The following DOCK9 variants were observed in gnomAD, a reference collection of about 807,000 sequenced individuals.
DOCK9 encodes the protein dedicator of cytokinesis protein 9.
Under a neutral mutation model 263.3 loss-of-function variants are expected in DOCK9, and 89 were observed. That is an observed-to-expected ratio of 0.34 (90% CI 0.28 to 0.40). The LOEUF (loss-of-function observed/expected upper bound fraction) is 0.40. DOCK9 is among the 10% of genes least tolerant of loss of function. The pLI is 1.00. For synonymous variants in DOCK9, 976 were observed against 973.1 expected (o/e 1.00, Z -0.06); for missense variants, 2,140 against 2,603.4 (o/e 0.82, Z 3.87).
exon 1 of DOCK9, chr13:99,086,503 C>A (rs903276931): frequency 1.9e-5 from 7 of 362,662 alleles, no homozygotes; most frequent in South Asian, 1.0e-4. Flanking sequence ...GCGAGTCCGG[C>A]CGCCGCAGCC....
chr13:98,924,569 T>C (rs1397620309), intron 4 of DOCK9, among the ~76,000 whole-genome samples: 2 of 152,246 alleles, frequency 1.3e-5, no homozygotes, highest in South Asian at 2.1e-4. Flanking sequence ...TGTTGCATAA[T>C]TGGGCCTAGT....
intron 1 of DOCK9, among the ~76,000 whole-genome samples, chr13:99,085,459 G>T (rs2042291213): frequency 6.6e-6 from 1 of 152,204 alleles, no homozygotes; most frequent in Admixed American, 6.5e-5. Flanking sequence ...ACCGGCGCTG[G>T]CTGTGAAAAA....
intron 1 of DOCK9, among the ~76,000 whole-genome samples, chr13:99,048,729 A>G (rs999995295): frequency 6.6e-6 from 1 of 152,218 alleles, no homozygotes; most frequent in African/African-American, 2.4e-5. Context: ...CAGTGCCACT[A>G]TTTCTCATTC....
At chr13:98,809,301 G>GT (rs113421628) in intron 47 of DOCK9, 51 bp downstream of exon 47, 60,518 of 1,362,254 alleles carry the variant, frequency 0.044, 1,164 homozygotes, top group Middle Eastern at 0.086. Flanking sequence ...TTTTGTTTTT[G>GT]TTTTTTTTTA....
intron 45 of DOCK9, among the ~76,000 whole-genome samples, chr13:98,816,135 A>C (rs1279951233): frequency 6.6e-6 from 1 of 152,206 alleles, no homozygotes; most frequent in Non-Finnish European, 1.5e-5. Context: ...ACAAATCTAT[A>C]TAAATAGGAT....
chr13:99,030,831 C>A (rs1887258290), intron 1 of DOCK9, among the ~76,000 whole-genome samples: 3 of 152,330 alleles, frequency 2.0e-5, no homozygotes, highest in African/African-American at 7.2e-5. Context: ...TAAGGGAACT[C>A]TGAAGACAGA....
intron 25 of DOCK9, 117 bp from the exon 26 acceptor site, chr13:98,880,789 G>A (rs1480687488): frequency 1.5e-6 from 2 of 1,327,698 alleles, no homozygotes; most frequent in African/African-American, 2.9e-5. Flanking sequence ...TTGTGGGAGA[G>A]GAAGGTGTGG....
intron 18 of DOCK9, among the ~76,000 whole-genome samples, chr13:98,887,727 C>T (rs188084517): frequency 6.6e-6 from 1 of 150,870 alleles, no homozygotes; most frequent in East Asian, 2.0e-4. Flanking sequence ...GTACAAACAG[C>T]TTTCAATAAA....
At chr13:98,955,398 C>A (rs1265401654) in intron 2 of DOCK9, 37 bp downstream of exon 2, 10 of 1,373,854 alleles carry the variant, frequency 7.3e-6, no homozygotes, top group Non-Finnish European at 9.1e-6. Context: ...TAAGATCAAA[C>A]ACGTGGTTCT....
In DOCK9 at chr13:98,867,944, G is replaced by A. The variant is rs2094080823; in HGVS notation, c.3158C>T (p.Ala1053Val). The A allele has an allele frequency of 4.3e-6, 7 of 1,613,490 alleles. No homozygotes were observed. The Admixed American group carries it at 8.3e-5, about 19-fold the overall frequency. Residue 1053 changes from alanine to valine, a missense_variant, in exon 29 of 53, where the codon GCT becomes GTT. Around this residue, in one of 2 missense-constraint regions of DOCK9, gnomAD observed 1,521 missense variants for 1,741.7 expected, o/e 0.87. Coordinates refer to ENST00000682017, the MANE Select transcript of DOCK9 (RefSeq NM_001366683.2). ...KQINNYISCF[A>V]PGDPKTLFEY... ...CCGCACTACCTTTGGGTCTCCAGGA[G>A]CAAAACAGCTAATGTAGTTGTTGAT...
intron 1 of DOCK9, among the ~76,000 whole-genome samples, chr13:99,032,626 A>C (rs1887470046): frequency 6.6e-6 from 1 of 151,310 alleles, no homozygotes; most frequent in Non-Finnish European, 1.5e-5. Flanking sequence ...TATATGACAT[A>C]AATTTATTAA....
At chr13:98,818,444 C>T (rs1470776819) in intron 45 of DOCK9, among the ~76,000 whole-genome samples, 2 of 152,124 alleles carry the variant, frequency 1.3e-5, no homozygotes, top group African/African-American at 4.8e-5. Flanking sequence ...AAAACCAGAA[C>T]AAATCCAGAC....
intron 1 of DOCK9, among the ~76,000 whole-genome samples, chr13:99,008,361 G>A (rs957470563): frequency 1.3e-5 from 2 of 151,590 alleles, no homozygotes; most frequent in Non-Finnish European, 2.9e-5. Context: ...AGCCTCCCGA[G>A]TAGCTGGGAT....
intron 45 of DOCK9, among the ~76,000 whole-genome samples, chr13:98,818,444 C>A (rs1470776819): frequency 6.6e-6 from 1 of 152,124 alleles, no homozygotes; most frequent in African/African-American, 2.4e-5. Context: ...AAAACCAGAA[C>A]AAATCCAGAC....
upstream of DOCK9, among the ~76,000 whole-genome samples, chr13:99,087,100 CTTTA>C (rs1334293112): frequency 2.8e-5 from 4 of 144,562 alleles, no homozygotes; most frequent in South Asian, 2.1e-4. Context: ...GGAAAGTAGC[CTTTA>C]TTTATGTGGC....
chr13:99,054,587 A>C (rs2040837407), intron 1 of DOCK9, among the ~76,000 whole-genome samples: 2 of 152,264 alleles, frequency 1.3e-5, no homozygotes, highest in Admixed American at 1.3e-4. Context: ...GAGGGCAAGC[A>C]AGAGGGAAGG....
intron 38 of DOCK9, among the ~76,000 whole-genome samples, chr13:98,839,009 A>C (rs1235726528): frequency 6.6e-6 from 1 of 152,224 alleles, no homozygotes; most frequent in East Asian, 1.9e-4. Context: ...TTCTGACTCA[A>C]ATGTCAGAAT....
At chr13:99,047,009 G>T (rs1185154753) in intron 1 of DOCK9, among the ~76,000 whole-genome samples, 1 of 152,200 alleles carries the variant, frequency 6.6e-6, no homozygotes, top group Non-Finnish European at 1.5e-5. Flanking sequence ...TATCTCTGAT[G>T]ATTAAAAGAC....
chr13:98,913,468 T>A (rs1257553113), intron 9 of DOCK9, among the ~76,000 whole-genome samples: 1 of 152,156 alleles, frequency 6.6e-6, no homozygotes, highest in East Asian at 1.9e-4. Flanking sequence ...AAAGTCTATA[T>A]AGTACAAATA....
Sources: allele counts gnomAD v4.1 joint callset (sites outside exome capture counted in the v4.1 genomes callset), GRCh38; gene constraint gnomAD v4.1.1; regional missense constraint gnomAD v4.1.1; transcripts MANE v1.5; gene names NCBI Gene and HGNC (gene_info 2026-07-23, HGNC 2026-07-21).